The following HDAC4 variants were observed in gnomAD, a reference collection of about 807,000 sequenced individuals.
The protein encoded by HDAC4 is histone deacetylase 4.
HDAC4 carries 16 observed loss-of-function variants against 135.1 expected under a neutral mutation model. That is an observed-to-expected ratio of 0.12 (90% CI 0.08 to 0.18). HDAC4 has a LOEUF of 0.18. Among genes scored for constraint, HDAC4 ranks in the 10% least tolerant of loss-of-function variants. The pLI, the probability that HDAC4 is intolerant of heterozygous loss-of-function variation, is 1.00. For missense variants in HDAC4, 1,143 were observed against 1,511.8 expected (o/e 0.76, Z 4.05); for synonymous variants, 685 against 653.4 (o/e 1.05, Z -0.74).
At chr2:239,283,073 T>G (rs1173803457) in intron 2 of HDAC4, among the ~76,000 whole-genome samples, 1 of 152,138 alleles carries the variant, frequency 6.6e-6, no homozygotes, top group Non-Finnish European at 1.5e-5. Flanking sequence ...ACAAAACATG[T>G]GATGTTCCAG....
chr2:239,206,034 G>A (rs934505234), intron 3 of HDAC4, among the ~76,000 whole-genome samples: 17 of 152,182 alleles, frequency 1.1e-4, no homozygotes, highest in African/African-American at 4.1e-4. Context: ...GTTGGATAAC[G>A]AATATGGCTG....
intron 6 of HDAC4, among the ~76,000 whole-genome samples, chr2:239,163,031 GCTCA>G (rs1211180162): frequency 6.6e-6 from 1 of 152,076 alleles, no homozygotes; most frequent in Non-Finnish European, 1.5e-5. Context: ...TGTTGCCCTT[GCTCA>G]CTGTTTCAAG....
intron 2 of HDAC4, among the ~76,000 whole-genome samples, chr2:239,249,778 G>GA (rs11396312): frequency 0.21 from 29,677 of 139,340 alleles, 4,408 homozygotes; most frequent in East Asian, 0.45. Flanking sequence ...AGCTATTAAA[G>GA]AAAAAAAAAA....
chr2:239,259,145 G>A (rs1252212781), intron 2 of HDAC4, among the ~76,000 whole-genome samples: 1 of 152,160 alleles, frequency 6.6e-6, no homozygotes, highest in African/African-American at 2.4e-5. Context: ...AAAAGAACTA[G>A]GAAAACCTTA....
chr2:239,261,392 G>A (rs983637112), intron 2 of HDAC4, among the ~76,000 whole-genome samples: 15 of 152,240 alleles, frequency 9.9e-5, no homozygotes, highest in South Asian at 2.1e-4. Context: ...GAGATGGAGC[G>A]TGGTCACAGC....
chr2:239,383,300 G>A (rs1452530964), intron 1 of HDAC4, among the ~76,000 whole-genome samples: 5 of 152,162 alleles, frequency 3.3e-5, no homozygotes, highest in Admixed American at 6.5e-5. Flanking sequence ...GCACCTTCCC[G>A]TAAAGTGCAT....
At chr2:239,394,232 C>T (rs370793558) in intron 1 of HDAC4, among the ~76,000 whole-genome samples, 17 of 152,186 alleles carry the variant, frequency 1.1e-4, no homozygotes, top group African/African-American at 3.9e-4. Flanking sequence ...CTCACACAGA[C>T]GGAGTACTTC....
chr2:239,143,542 G>A (rs1261873495), intron 8 of HDAC4, among the ~76,000 whole-genome samples: 1 of 152,192 alleles, frequency 6.6e-6, no homozygotes, highest in Admixed American at 6.5e-5. Context: ...GCATGAAGAT[G>A]TCAGATACTT....
intron 24 of HDAC4, among the ~76,000 whole-genome samples, chr2:239,065,193 G>C (rs1303934776): frequency 6.6e-6 from 1 of 152,184 alleles, no homozygotes; most frequent in African/African-American, 2.4e-5. Context: ...CACAATGCCA[G>C]GCCAGAGCGC....
At chr2:239,193,064 C>T (rs1411750700) in intron 3 of HDAC4, among the ~76,000 whole-genome samples, 7 of 152,190 alleles carry the variant, frequency 4.6e-5, no homozygotes, top group African/African-American at 7.2e-5. Flanking sequence ...AACTGCACAG[C>T]GTTGCATCTT....
chr2:239,111,586 C>T lies in HDAC4; in HGVS notation c.1918G>A (p.Ala640Thr), dbSNP rs1192025699. The change falls in exon 14 of 27, where the codon GCG becomes ACG. Residue 640 changes from alanine to threonine, a missense_variant. By Grantham distance (58) the Ala-to-Thr change is moderately conservative. Transcript: ENST00000543185. ...RPLSRAQSSPASATFPVSVQE... is the reference protein window; with the variant it reads ...RPLSRAQSSPTSATFPVSVQE... ...ACAGACACGGGGAAGGTGGCAGACG[C>T]GGGTGAGGACTGCGCCCGGGACAGA... The T allele has an allele frequency of 2.5e-6, 4 of 1,611,918 alleles. No individual in the cohort carries two copies. The highest frequency in any genetic ancestry group is 1.1e-5 in the South Asian group (1 of 90,896).
chr2:239,262,102 G>A lies in HDAC4; in HGVS notation c.23-25438C>T, dbSNP rs1031152919. On this transcript the variant is annotated intron_variant, in intron 2 of 26. Coordinates refer to ENST00000543185, the MANE Select transcript of HDAC4 (RefSeq NM_001378414.1). The surrounding 1 kb of genome is among the most constrained non-coding windows in gnomAD (Gnocchi z 4.1). ...AGCCCTGAGGGACCCTCCCAACCACGCCAGCGCCGCCTGCAGTGACGCCGG... is the reference window on the plus strand; with the variant it reads ...AGCCCTGAGGGACCCTCCCAACCACACCAGCGCCGCCTGCAGTGACGCCGG... Among the ~76,000 whole-genome samples, 1 of 152,108 alleles carries A rather than the reference G, an allele frequency of 6.6e-6. No individual in the cohort carries two copies. The highest frequency in any genetic ancestry group is 1.5e-5 in the Non-Finnish European group (1 of 68,020).
chr2:239,338,203 ACGGTTT>A (rs1476720719), intron 2 of HDAC4, among the ~76,000 whole-genome samples: 1 of 152,102 alleles, frequency 6.6e-6, no homozygotes, highest in Non-Finnish European at 1.5e-5. Flanking sequence ...CCCAAAATGC[ACGGTTT>A]CTAGACCTCC....
intron 3 of HDAC4, among the ~76,000 whole-genome samples, chr2:239,199,248 C>A (rs903151089): frequency 6.6e-6 from 1 of 151,970 alleles, no homozygotes; most frequent in Non-Finnish European, 1.5e-5. Flanking sequence ...GAGGCCTGGT[C>A]AGAGGCAGCT....
At chr2:239,325,985 C>T (rs1407911213) in intron 2 of HDAC4, among the ~76,000 whole-genome samples, 6 of 152,016 alleles carry the variant, frequency 3.9e-5, no homozygotes, top group Middle Eastern at 3.4e-3. Context: ...AAATTAAGCA[C>T]AAAATTATCA....
At position 239,371,317 on chromosome 2, in the gene HDAC4, CCA is replaced by C. The variant is rs1289300634; in HGVS notation, c.-219-18401_-219-18400del. On this transcript the variant is annotated intron_variant, in intron 1 of 26. Transcript: ENST00000543185. ...TACACTCACACACACTCTCACATAA[CCA>C]CAAACTCACAATCATGAACACACTC... Among the ~76,000 whole-genome samples the C allele has an allele frequency of 7.9e-5, 12 of 152,062 alleles. No individual in the cohort carries two copies. In the East Asian group the frequency reaches 1.9e-3, roughly 25 times the overall value.
chr2:239,192,522 A>C (rs1575360928), intron 3 of HDAC4, among the ~76,000 whole-genome samples: 1 of 152,184 alleles, frequency 6.6e-6, no homozygotes, highest in African/African-American at 2.4e-5. Flanking sequence ...GCAAACTCGG[A>C]GAAAAGAGAA....
chr2:239,208,254 G>A (rs1321531122), intron 3 of HDAC4, among the ~76,000 whole-genome samples: 1 of 149,540 alleles, frequency 6.7e-6, no homozygotes, highest in Non-Finnish European at 1.5e-5. Flanking sequence ...GTGAACCCGG[G>A]AGGCGGAGCC....
chr2:239,280,464 TG>T (rs1291935963), intron 2 of HDAC4, among the ~76,000 whole-genome samples: 3 of 152,154 alleles, frequency 2.0e-5, no homozygotes, highest in African/African-American at 7.2e-5. Context: ...GTCCCTCCGA[TG>T]GGCGAGCCAG....
Sources: allele counts gnomAD v4.1 joint callset (sites outside exome capture counted in the v4.1 genomes callset), GRCh38; gene constraint gnomAD v4.1.1; non-coding constraint Gnocchi (gnomAD v3.1); transcripts MANE v1.5; gene names NCBI Gene and HGNC (gene_info 2026-07-23, HGNC 2026-07-21).